MEI4: variants seen among roughly 807,000 people sequenced by gnomAD.
MEI4 encodes meiotic double-stranded break formation protein 4.
Under a neutral mutation model 31.4 loss-of-function variants are expected in MEI4, and 27 were observed. That is an observed-to-expected ratio of 0.86 (90% confidence interval 0.63 to 1.19). The LOEUF (loss-of-function observed/expected upper bound fraction) is 1.19. Ranked by LOEUF, MEI4 falls within the 50% of genes most tolerant of loss-of-function variation. The pLI, the probability that MEI4 is intolerant of heterozygous loss-of-function variation, is 0.00. For synonymous variants in MEI4, 122 were observed against 145.4 expected (o/e 0.84, Z 1.16); for missense variants, 329 against 398.9 (o/e 0.82, Z 1.49).
Position 77,735,856 on chromosome 6 carries a change from A to G in MEI4, c.233-25274A>G, listed in dbSNP as rs1026665227. The stretch of plus-strand genomic sequence containing the variant: ...TTTATTAGTTTTCCTTCTAACAGAC[A>G]GGACCCTCAGCTGCAGGTCTGTTGG... On this transcript the variant is annotated intron_variant, in intron 2 of 4. Coordinates refer to ENST00000684080, the MANE Select transcript of MEI4 (RefSeq NM_001322247.2). Among the ~76,000 whole-genome samples, 11 of 152,170 alleles carry G rather than the reference A, an allele frequency of 7.2e-5. 1 individual carries two copies. Among genetic ancestry groups the G allele is most frequent in the African/African-American group, 2.7e-4 (11 of 41,430 alleles).
At chr6:77,735,155 T>G (rs1767149034) in intron 2 of MEI4, among the ~76,000 whole-genome samples, 1 of 151,982 alleles carries the variant, frequency 6.6e-6, no homozygotes, top group Admixed American at 6.6e-5. Context: ...ACATTCTCTG[T>G]ATTTCCTGAA....
chr6:77,713,038 C>G (rs1766501704), intron 2 of MEI4, among the ~76,000 whole-genome samples: 1 of 151,008 alleles, frequency 6.6e-6, no homozygotes, highest in Non-Finnish European at 1.5e-5. Flanking sequence ...TTCTTGGAGA[C>G]ACAGTGCTTA....
Position 77,847,214 on chromosome 6 carries a change from C to A in MEI4, c.900+18152C>A, listed in dbSNP as rs924505717. On this transcript the variant is annotated intron_variant, in intron 4 of 4. Transcript: ENST00000684080. This position sits in a 1 kb window ranked among gnomAD's most constrained non-coding sequence, Gnocchi z 4.6. ...GTGTATGGAGCCAGTATATACAGAA[C>A]AAATAGTTGTGGAAGATCCAGGTGT... Among the ~76,000 whole-genome samples, 1 of 152,020 alleles carries A rather than the reference C, an allele frequency of 6.6e-6. No individual in the cohort carries two copies. Among genetic ancestry groups the A allele is most frequent in the African/African-American group, 2.4e-5 (1 of 41,392 alleles).
At chr6:77,670,476 G>A (rs1768717168) in intron 1 of MEI4, among the ~76,000 whole-genome samples, 1 of 152,106 alleles carries the variant, frequency 6.6e-6, no homozygotes, top group Non-Finnish European at 1.5e-5. Flanking sequence ...CATTGGGCAA[G>A]TGGCAACATG....
chr6:77,896,949 G>A (rs987851340), intron 4 of MEI4, among the ~76,000 whole-genome samples: 6 of 152,080 alleles, frequency 3.9e-5, no homozygotes, highest in South Asian at 2.1e-4. Flanking sequence ...TGACAGTAAC[G>A]ATAATAACAG....
At chr6:77,891,628 T>G (rs1771770946) in intron 4 of MEI4, among the ~76,000 whole-genome samples, 1 of 152,200 alleles carries the variant, frequency 6.6e-6, no homozygotes, top group South Asian at 2.1e-4. Context: ...AATTTCCTTT[T>G]TGTTGGGATC....
chr6:77,913,770 C>A (rs1766482081), intron 4 of MEI4, among the ~76,000 whole-genome samples: 1 of 150,500 alleles, frequency 6.6e-6, no homozygotes, highest in South Asian at 2.1e-4. Context: ...CACGGTGGCT[C>A]ACTCCTGTAA....
chr6:77,775,732 C>T (rs956286804), intron 3 of MEI4, among the ~76,000 whole-genome samples: 1 of 152,104 alleles, frequency 6.6e-6, no homozygotes, highest in Non-Finnish European at 1.5e-5. Flanking sequence ...ATTGCTGGAT[C>T]AAATGGTAGT....
chr6:77,698,327 T>G (rs971404447), intron 2 of MEI4, among the ~76,000 whole-genome samples: 1 of 152,176 alleles, frequency 6.6e-6, no homozygotes, highest in Non-Finnish European at 1.5e-5. Context: ...TCTCTGGTTA[T>G]TTTGCTCGTT....
chr6:77,662,629 G>A (rs970231239), intron 1 of MEI4, among the ~76,000 whole-genome samples: 2 of 152,118 alleles, frequency 1.3e-5, no homozygotes, highest in Admixed American at 6.6e-5. Flanking sequence ...TTAATGCAGC[G>A]GCAGCCACTG....
chr6:77,856,490 T>C (rs184792187), intron 4 of MEI4, among the ~76,000 whole-genome samples: 1 of 152,292 alleles, frequency 6.6e-6, no homozygotes, highest in East Asian at 1.9e-4. Context: ...ATTAGTATTG[T>C]TAACAGTTTG....
chr6:77,904,860 A>T (rs541409928), intron 4 of MEI4, among the ~76,000 whole-genome samples: 4 of 152,252 alleles, frequency 2.6e-5, no homozygotes, highest in African/African-American at 7.2e-5. Flanking sequence ...GTACCCTTGA[A>T]CAGATTATTT....
chr6:77,871,105 A>G (rs1487492629), intron 4 of MEI4, among the ~76,000 whole-genome samples: 1 of 152,158 alleles, frequency 6.6e-6, no homozygotes, highest in Admixed American at 6.6e-5. Context: ...TTTGATAATC[A>G]TAGAATTCTA....
rs576484289 is a variant in MEI4 at position 77,925,229 on chromosome 6, G to A, written c.*1883G>A. 6.6e-6 allele frequency: 1 copy of A among 151,948 alleles called. No homozygotes were observed. Among genetic ancestry groups the A allele is most frequent in the East Asian group, 1.9e-4 (1 of 5,142 alleles). 9.4% of individuals were successfully genotyped at this position (151,948 alleles called of 1,614,324 possible). ...AGTGGTCTCCAAGGCTTCAAGGTCT[G>A]AAAATTAGCCTAGGAAATATATTTA... is the stretch of plus-strand genomic sequence containing the variant. On this transcript the variant is annotated 3_prime_UTR_variant, in exon 5 of 5. Transcript: ENST00000684080.
intron 3 of MEI4, among the ~76,000 whole-genome samples, chr6:77,765,085 A>G (rs1386484845): frequency 6.6e-6 from 1 of 152,194 alleles, no homozygotes; most frequent in Non-Finnish European, 1.5e-5. Context: ...GCTTTTACTC[A>G]ATAGCTATGA....
chr6:77,849,086 A>C (rs1770553091), intron 4 of MEI4, among the ~76,000 whole-genome samples: 1 of 152,170 alleles, frequency 6.6e-6, no homozygotes, highest in Non-Finnish European at 1.5e-5. Flanking sequence ...GAAACACAAA[A>C]GAAATAAACA....
At chr6:77,882,246 T>C (rs1341103847) in intron 4 of MEI4, among the ~76,000 whole-genome samples, 1 of 152,194 alleles carries the variant, frequency 6.6e-6, no homozygotes, top group Admixed American at 6.5e-5. Flanking sequence ...CCCCAGTGTA[T>C]CAGTGTGTTC....
chr6:77,743,101 C>A (rs527633946), intron 2 of MEI4, among the ~76,000 whole-genome samples: 3 of 151,962 alleles, frequency 2.0e-5, no homozygotes, highest in African/African-American at 7.3e-5. Context: ...CTTGGCGATG[C>A]GGGCTCTTTT....
chr6:77,837,074 T>A (rs547657747), intron 4 of MEI4, among the ~76,000 whole-genome samples: 1 of 152,208 alleles, frequency 6.6e-6, no homozygotes, highest in East Asian at 1.9e-4. Context: ...GCCTAAAAAT[T>A]TCCACATCAC....
Sources: gnomAD v4.1 joint callset for allele counts (sites outside exome capture counted in the v4.1 genomes callset) on GRCh38, gnomAD v4.1.1 for gene constraint, Gnocchi (gnomAD v3.1) non-coding constraint, MANE v1.5 for transcripts, NCBI Gene and HGNC (gene_info 2026-07-23, HGNC 2026-07-21) for gene names.